The following THADA variants were observed in gnomAD, a reference collection of about 807,000 sequenced individuals.
THADA encodes THADA armadillo repeat containing.
A neutral mutation model predicts 219.8 loss-of-function variants in THADA; 213 were observed. The ratio of observed to expected loss-of-function variants is 0.97; its 90% CI spans 0.87 to 1.09. THADA has a LOEUF of 1.09. Among genes scored for constraint, THADA ranks in the 50% least tolerant of loss-of-function variants. The pLI, the probability that THADA is intolerant of heterozygous loss-of-function variation, is 0.00. For missense variants in THADA, 2,956 were observed against 2,311.3 expected, an observed-to-expected ratio of 1.28 and a Z score of -5.72; for synonymous variants, 1,018 against 828.9, an observed-to-expected ratio of 1.23 and a Z score of -3.92.
chr2:43,578,703 C>T (rs1309931286), intron 8 of THADA, 96 bp from the exon 9 acceptor site: 9 of 748,500 alleles, frequency 1.2e-5, no homozygotes, highest in Non-Finnish European at 1.7e-5. Context: ...GGCCTGGGTA[C>T]AATTTCTAGT....
intron 28 of THADA, among the ~76,000 whole-genome samples, chr2:43,399,955 C>T (rs1674592359): frequency 6.6e-6 from 1 of 152,172 alleles, no homozygotes; most frequent in Non-Finnish European, 1.5e-5. Flanking sequence ...CTTAGTAAGG[C>T]AGTCATTTGT....
chr2:43,240,763 A>G (rs72875579), intron 36 of THADA, among the ~76,000 whole-genome samples: 85 of 152,362 alleles, frequency 5.6e-4, no homozygotes, highest in African/African-American at 2.0e-3. Flanking sequence ...CCCAGCTGCA[A>G]AGAACCCAGT....
chr2:43,533,008 T>A (rs977609938), intron 21 of THADA, among the ~76,000 whole-genome samples: 1 of 151,740 alleles, frequency 6.6e-6, no homozygotes, highest in Non-Finnish European at 1.5e-5. Context: ...AGGTCTAATA[T>A]CCAGAATCTG....
At chr2:43,588,562 T>C (rs539562510) in intron 4 of THADA, among the ~76,000 whole-genome samples, 59 of 152,238 alleles carry the variant, frequency 3.9e-4, no homozygotes, top group African/African-American at 1.3e-3. Context: ...ACAAAGAATA[T>C]GTAATAAAAA....
At chr2:43,497,225 G>T (rs954039507) in intron 25 of THADA, among the ~76,000 whole-genome samples, 1 of 152,124 alleles carries the variant, frequency 6.6e-6, no homozygotes, top group Non-Finnish European at 1.5e-5. Flanking sequence ...CGACTATAAA[G>T]ATATATGAAA....
intron 29 of THADA, among the ~76,000 whole-genome samples, chr2:43,348,183 T>C (rs1183432784): frequency 6.6e-6 from 1 of 152,194 alleles, no homozygotes; most frequent in Non-Finnish European, 1.5e-5. Context: ...TGATTTCCAT[T>C]TTGAAAAATT....
In THADA at chr2:43,293,162, G is replaced by C. The variant is rs1352155595; in HGVS notation, c.4490C>G (p.Ser1497Ter). The C allele has an allele frequency of 1.9e-6, 3 of 1,613,808 alleles. No individual in the cohort carries two copies. Among genetic ancestry groups the C allele is most frequent in the African/African-American group, 1.3e-5 (1 of 74,912 alleles). The change falls in exon 32 of 38, where the codon TCA (serine) becomes TGA (stop). Residue 1497 changes from serine (S) to a stop codon, truncating the protein, a stop_gained. Transcript: ENST00000405975. LOFTEE classifies it high-confidence loss of function. The part of the protein sequence containing the change: ...WEEVRGIISG[S>*]ELITGFPWAF... ...CCAAGGGAATCCCGTTATCAGCTCT[G>C]ATCCTGAGATAATCCCTCTGACTTC... is the stretch of plus-strand genomic sequence containing the variant.
chr2:43,454,367 G>A (rs981834263), intron 26 of THADA, among the ~76,000 whole-genome samples: 8 of 152,142 alleles, frequency 5.3e-5, no homozygotes, highest in Non-Finnish European at 1.2e-4. Context: ...TTGGGAGGCT[G>A]AGGTGGGAGA....
chr2:43,520,713 T>TATATATATATACACACAC (rs1218079783), intron 22 of THADA, among the ~76,000 whole-genome samples: 1 of 125,128 alleles, frequency 8.0e-6, no homozygotes, highest in African/African-American at 3.0e-5. Context: ...TATATATATA[T>TATATATATATACACACAC]ACACACACAC....
chr2:43,428,156 CG>C lies in THADA; in HGVS notation c.4001del (p.Pro1334ArgfsTer19). 1.2e-6 allele frequency: 2 copies of C among 1,610,666 alleles called. No homozygotes were observed. The highest frequency in any genetic ancestry group is 1.7e-6 in the Non-Finnish European group (2 of 1,178,124). On this transcript the variant is annotated frameshift_variant, in exon 28 of 38. Transcript: ENST00000405975. LOFTEE classifies it high-confidence loss of function. ...LLVLERLYAS[P>X]MDGTSSALSM... ...TGAGAGCAGAAGAAGTACCATCCAT[CG>C]GGGAAGCGTAGAGTCTCTCCAACAC...
intron 20 of THADA, among the ~76,000 whole-genome samples, chr2:43,548,641 C>T (rs550160598): frequency 1.3e-5 from 2 of 152,338 alleles, no homozygotes; most frequent in African/African-American, 2.4e-5. Flanking sequence ...TAGCAATCAG[C>T]GAGACTCCGT....
intron 28 of THADA, among the ~76,000 whole-genome samples, chr2:43,406,535 G>A (rs1434134779): frequency 6.6e-6 from 1 of 152,168 alleles, no homozygotes; most frequent in Non-Finnish European, 1.5e-5. Context: ...CTGAGAAGAA[G>A]ATTCTCCTCA....
intron 36 of THADA, among the ~76,000 whole-genome samples, chr2:43,277,708 C>T (rs746486108): frequency 6.6e-6 from 1 of 152,204 alleles, no homozygotes; most frequent in Non-Finnish European, 1.5e-5. Context: ...TCAAAGAAGA[C>T]ATTAAATATT....
chr2:43,290,175 T>C (rs1237376046), intron 34 of THADA, among the ~76,000 whole-genome samples: 1 of 151,990 alleles, frequency 6.6e-6, no homozygotes, highest in Non-Finnish European at 1.5e-5. Flanking sequence ...AGTTTCACTG[T>C]TGGTCAGGCT....
chr2:43,595,322 G>A (rs987717965), intron 1 of THADA, among the ~76,000 whole-genome samples: 4 of 152,144 alleles, frequency 2.6e-5, no homozygotes, highest in Non-Finnish European at 5.9e-5. Context: ...GGAAAGTGTC[G>A]ACAACAGAAT....
intron 31 of THADA, among the ~76,000 whole-genome samples, chr2:43,293,979 C>T (rs1360944524): frequency 6.6e-6 from 1 of 152,180 alleles, no homozygotes; most frequent in African/African-American, 2.4e-5. Context: ...ACACTGTTGA[C>T]TCATATGGAG....
At chr2:43,311,395 A>G (rs1217526605) in intron 31 of THADA, among the ~76,000 whole-genome samples, 2 of 152,218 alleles carry the variant, frequency 1.3e-5, no homozygotes, top group African/African-American at 4.8e-5. Flanking sequence ...GAGAAACTGG[A>G]AACTTCATAC....
At chr2:43,521,041 G>C (rs1574064609) in intron 22 of THADA, among the ~76,000 whole-genome samples, 1 of 139,780 alleles carries the variant, frequency 7.2e-6, no homozygotes, top group African/African-American at 2.8e-5. Flanking sequence ...ATGAAGGGAA[G>C]GAAGGGAAGG....
At chr2:43,541,344 C>A in intron 20 of THADA, 28 bp from the exon 21 acceptor site, 6 of 1,610,276 alleles carry the variant, frequency 3.7e-6, no homozygotes, top group Non-Finnish European at 4.2e-6. Flanking sequence ...ACAACGATTG[C>A]AACCTTGATT....
Sources: gnomAD v4.1 joint callset for allele counts (sites outside exome capture counted in the v4.1 genomes callset) on GRCh38, gnomAD v4.1.1 for gene constraint, MANE v1.5 for transcripts, NCBI Gene and HGNC (gene_info 2026-07-23, HGNC 2026-07-21) for gene names.